LRGUK: variants seen among roughly 807,000 people sequenced by gnomAD.
LRGUK encodes the protein leucine rich repeats and guanylate kinase domain containing, also known as leucine-rich repeat and guanylate kinase domain-containing protein.
A neutral mutation model predicts 76.0 loss-of-function variants in LRGUK; 65 were observed. The observed-to-expected ratio is 0.85, with a 90% confidence interval of 0.70 to 1.05. The LOEUF (loss-of-function observed/expected upper bound fraction) is 1.05, where lower values mean the gene tolerates loss of function less well. LRGUK is among the 50% of genes least tolerant of loss of function. The pLI is 0.00. For missense variants in LRGUK, 758 were observed against 732.8 expected (o/e 1.03, Z -0.40); for synonymous variants, 268 against 265.6 (o/e 1.01, Z -0.09).
intron 5 of LRGUK, among the ~76,000 whole-genome samples, chr7:134,154,237 C>T (rs1304650332): frequency 6.6e-6 from 1 of 152,118 alleles, no homozygotes; most frequent in Admixed American, 6.5e-5. Flanking sequence ...AGAGGATTAA[C>T]CCAGTAAGCT....
Position 134,193,071 on chromosome 7 carries a change from T to G in LRGUK, c.1431+1320T>G, listed in dbSNP as rs1800326464. ...AATTTTGAATGGCCAACTCTATACA[T>G]GGTGCCTGTTTTCTGGACTTCTCTT... On this transcript the variant is annotated intron_variant, in intron 12 of 15. Coordinates refer to ENST00000645682, the Ensembl canonical transcript of LRGUK. 1.3e-5 allele frequency among the ~76,000 whole-genome samples: 2 copies of G among 152,222 alleles called. 1 individual carries two copies. The highest frequency in any genetic ancestry group is 4.1e-4 in the South Asian group (2 of 4,832).
chr7:134,249,187 C>T (rs1323581713), intron 18 of LRGUK, 111 bp downstream of exon 18: 5 of 1,201,506 alleles, frequency 4.2e-6, no homozygotes, highest in East Asian at 5.2e-5. Context: ...AAGCAGGGCC[C>T]TAACTCCCGC....
At chr7:134,253,134 T>C (rs1365733231) in intron 18 of LRGUK, among the ~76,000 whole-genome samples, 7 of 152,148 alleles carry the variant, frequency 4.6e-5, no homozygotes, top group Non-Finnish European at 1.0e-4. Context: ...GATCATAACA[T>C]TGGAACTACA....
intron 16 of LRGUK, among the ~76,000 whole-genome samples, chr7:134,222,675 A>G (rs1425273043): frequency 1.3e-5 from 2 of 151,222 alleles, no homozygotes; most frequent in African/African-American, 2.4e-5. Context: ...ATGGTGTGAT[A>G]TCCGCTCATC....
At chr7:134,127,727 C>A in intron 1 of LRGUK, 63 bp downstream of exon 1, 2 of 1,521,510 alleles carry the variant, frequency 1.3e-6, no homozygotes, top group Admixed American at 4.0e-5. Context: ...ACTTCAGCGG[C>A]AGCTCCCCGA....
chr7:134,192,863 G>T (rs1300907331), intron 12 of LRGUK, among the ~76,000 whole-genome samples: 1 of 152,100 alleles, frequency 6.6e-6, no homozygotes, highest in Non-Finnish European at 1.5e-5. Flanking sequence ...CTGTGTTTCT[G>T]CTTTTGAAAG....
At chr7:134,129,343 TC>T (rs1308859398) in intron 1 of LRGUK, among the ~76,000 whole-genome samples, 1 of 50,852 alleles carries the variant, frequency 2.0e-5, no homozygotes, top group African/African-American at 8.4e-5. Flanking sequence ...CCTTCCTCCC[TC>T]CCCTCTACTC....
chr7:134,221,978 A>T, intron 16 of LRGUK, 60 bp downstream of exon 16: 1 of 1,395,164 alleles, frequency 7.2e-7, no homozygotes, highest in Non-Finnish European at 9.4e-7. Context: ...TCAGACAAAG[A>T]GGGGATTTAA....
chr7:134,160,917 C>T (rs959738549), intron 6 of LRGUK, among the ~76,000 whole-genome samples: 2 of 152,170 alleles, frequency 1.3e-5, no homozygotes, highest in African/African-American at 4.8e-5. Flanking sequence ...GGTTTTTCAG[C>T]ATTGGATGAA....
intron 6 of LRGUK, among the ~76,000 whole-genome samples, chr7:134,163,098 A>G (rs1407544412): frequency 6.6e-6 from 1 of 152,228 alleles, no homozygotes; most frequent in Non-Finnish European, 1.5e-5. Flanking sequence ...CAGGTGTGCA[A>G]TGTTAAAACC....
At chr7:134,269,696 T>G in the LRGUK span, among the ~76,000 whole-genome samples, 4 of 152,190 alleles carry the variant, frequency 2.6e-5, no homozygotes, top group Non-Finnish European at 5.9e-5. Flanking sequence ...TCTGGATATA[T>G]TCCATCTTGG....
downstream of LRGUK, chr7:134,210,280 A>G (rs1254021890): frequency 2.5e-6 from 1 of 398,830 alleles, no homozygotes; most frequent in African/African-American, 2.1e-5. Context: ...AACTGTTACA[A>G]ATTAGGCCAT....
intron 1 of LRGUK, among the ~76,000 whole-genome samples, chr7:134,128,362 T>G (rs1312687971): frequency 6.6e-6 from 1 of 152,194 alleles, no homozygotes; most frequent in East Asian, 1.9e-4. Flanking sequence ...TGCCATTCCC[T>G]CCTTTCTACA....
At chr7:134,264,085 C>T (rs779664461) in exon 20 of LRGUK, 97 of 1,070,164 alleles carry the variant, frequency 9.1e-5, no homozygotes, top group Admixed American at 1.1e-4. Context: ...CCATTACCCA[C>T]GGAAGAATGT....
chr7:134,159,978 T>C (rs1798652505), intron 6 of LRGUK, among the ~76,000 whole-genome samples: 1 of 152,228 alleles, frequency 6.6e-6, no homozygotes, highest in African/African-American at 2.4e-5. Flanking sequence ...ATTCAATAAA[T>C]TAGATTGAAA....
intron 7 of LRGUK, among the ~76,000 whole-genome samples, chr7:134,164,857 A>C (rs1798903492): frequency 6.6e-6 from 1 of 152,192 alleles, no homozygotes; most frequent in African/African-American, 2.4e-5. Flanking sequence ...AAAGCTGTTC[A>C]TCTTCATTCT....
intron 16 of LRGUK, among the ~76,000 whole-genome samples, chr7:134,243,552 G>A (rs1240061477): frequency 1.3e-5 from 2 of 151,878 alleles, no homozygotes; most frequent in Non-Finnish European, 2.9e-5. Context: ...AAATAAAAGA[G>A]GACACAAACA....
At chr7:134,172,531 A>G (rs1007334821) in intron 7 of LRGUK, among the ~76,000 whole-genome samples, 2 of 152,198 alleles carry the variant, frequency 1.3e-5, no homozygotes, top group Non-Finnish European at 2.9e-5. Flanking sequence ...ACAGCTTATG[A>G]AACAAGTGAA....
chr7:134,203,969 C>T (rs543041696), intron 15 of LRGUK, among the ~76,000 whole-genome samples: 1 of 152,106 alleles, frequency 6.6e-6, no homozygotes, highest in Non-Finnish European at 1.5e-5. Flanking sequence ...GGGGCTGTAC[C>T]CTACGTTACC....
Sources: gnomAD v4.1 joint callset for allele counts (sites outside exome capture counted in the v4.1 genomes callset) on GRCh38, gnomAD v4.1.1 for gene constraint, MANE v1.5 for transcripts, NCBI Gene and HGNC (gene_info 2026-07-23, HGNC 2026-07-21) for gene names.